NSMAF: variants seen among roughly 807,000 people sequenced by gnomAD.
NSMAF encodes the protein neutral sphingomyelinase activation associated factor.
NSMAF carries 90 observed loss-of-function variants against 134.9 expected under a neutral mutation model. That is an observed-to-expected ratio of 0.67 (90% CI 0.56 to 0.79). NSMAF has a LOEUF of 0.79. Among genes scored for constraint, NSMAF ranks in the 30% least tolerant of loss-of-function variants. The pLI is 0.00. For synonymous variants in NSMAF, 358 were observed against 389.6 expected (o/e 0.92, Z 0.96); for missense variants, 1,010 against 1,119.0 (o/e 0.90, Z 1.39).
chr8:58,659,119 G>C (rs1414958941), intron 1 of NSMAF: 31 of 1,217,068 alleles, frequency 2.5e-5, no homozygotes, highest in Admixed American at 4.1e-5. Context: ...CCAACTCTGC[G>C]GCGCCGGCGC....
At chr8:58,584,480 C>T (rs370954585) in intron 30 of NSMAF, among the ~76,000 whole-genome samples, 59 of 151,986 alleles carry the variant, frequency 3.9e-4, no homozygotes, top group Admixed American at 2.8e-3. Flanking sequence ...AATACCTTGG[C>T]GAAGTAAGTA....
At chr8:58,649,985 C>T (rs1807547173) in intron 1 of NSMAF, among the ~76,000 whole-genome samples, 1 of 152,206 alleles carries the variant, frequency 6.6e-6, no homozygotes, top group Admixed American at 6.5e-5. Context: ...TATTTATGCA[C>T]ACATGTTCTT....
chr8:58,585,953 T>G lies in NSMAF; in HGVS notation c.2494A>C (p.Ile832Leu). 6.2e-7 allele frequency: 1 copy of G among 1,614,064 alleles called. No homozygotes were observed. The highest frequency in any genetic ancestry group is 8.5e-7 in the Non-Finnish European group (1 of 1,179,984). Residue 832 changes from isoleucine to leucine, a missense_variant, in exon 29 of 31, where the codon ATT (isoleucine) becomes CTT (leucine). Physicochemically the swap from Ile to Leu is conservative, Grantham distance 5. Transcript: ENST00000038176. ...ATGAGCATTCCTGTCTGCACATCAATGACATTAAGACAGCCATCTGTTCCT... is the reference window on the plus strand; with the variant it reads ...ATGAGCATTCCTGTCTGCACATCAAGGACATTAAGACAGCCATCTGTTCCT... ...STGTDGCLNV[I>L]DVQTGMLISS... is the part of the protein sequence containing the mutation.
chr8:58,588,481 C>T (rs1805945119), intron 26 of NSMAF: 9 of 1,186,888 alleles, frequency 7.6e-6, no homozygotes, highest in Admixed American at 3.4e-5. Flanking sequence ...TGGGGGTGTT[C>T]GGTCCTTGCA....
intron 6 of NSMAF, among the ~76,000 whole-genome samples, chr8:58,630,365 G>A (rs900942841): frequency 6.6e-6 from 1 of 151,264 alleles, no homozygotes; most frequent in Admixed American, 6.6e-5. Context: ...AATTCACATT[G>A]GAACAAAAGA....
In NSMAF at chr8:58,599,252, T is replaced by A; in HGVS notation, c.1565A>T (p.Asp522Val). Residue 522 changes from aspartate (D) to valine (V), a missense_variant, in exon 19 of 31, where the codon GAT becomes GTT. Coordinates refer to ENST00000038176, the MANE Select transcript of NSMAF (RefSeq NM_003580.4). Reference protein sequence around the residue: ...LIFGYKQKGSDAVGAHNVFHP... With the variant: ...LIFGYKQKGSVAVGAHNVFHP... Reference sequence around the variant, plus strand: ...CATACCATTATGGGCCCCAACTGCATCACTCCCTTTTTGTTTGTAGCCAAA... The same window carrying A: ...CATACCATTATGGGCCCCAACTGCAACACTCCCTTTTTGTTTGTAGCCAAA... 6.2e-7 allele frequency: 1 copy of A among 1,613,848 alleles called. No individual in the cohort carries two copies. The highest frequency in any genetic ancestry group is 8.5e-7 in the Non-Finnish European group (1 of 1,179,768).
intron 23 of NSMAF, among the ~76,000 whole-genome samples, chr8:58,592,219 T>C (rs1806035723): frequency 1.3e-5 from 2 of 152,208 alleles, no homozygotes; most frequent in South Asian, 4.1e-4. Flanking sequence ...ACCAGTCGGT[T>C]CTATAAAGAT....
intron 27 of NSMAF, 51 bp from the exon 28 acceptor site, chr8:58,586,659 G>A: frequency 2.1e-6 from 3 of 1,459,056 alleles, no homozygotes; most frequent in Non-Finnish European, 2.8e-6. Flanking sequence ...ATGGTCATTA[G>A]CTATGTTTCT....
At chr8:58,619,731 G>T (rs1350267479) in intron 9 of NSMAF, among the ~76,000 whole-genome samples, 3 of 151,984 alleles carry the variant, frequency 2.0e-5, no homozygotes, top group African/African-American at 7.2e-5. Flanking sequence ...CATAAGACAG[G>T]AAAGACCTTT....
chr8:58,600,565 G>A (rs1054560858), intron 16 of NSMAF, among the ~76,000 whole-genome samples: 1 of 142,170 alleles, frequency 7.0e-6, no homozygotes, highest in Admixed American at 7.3e-5. Flanking sequence ...AGGTTGCAGT[G>A]AGCTGAGATT....
chr8:58,601,757 G>A (rs1676090451), intron 14 of NSMAF, among the ~76,000 whole-genome samples: 1 of 152,132 alleles, frequency 6.6e-6, no homozygotes, highest in South Asian at 2.1e-4. Context: ...GTAACAAAAT[G>A]TTGGCACTAG....
chr8:58,610,076 T>C (rs1326183275), intron 9 of NSMAF, among the ~76,000 whole-genome samples: 1 of 152,230 alleles, frequency 6.6e-6, no homozygotes, highest in African/African-American at 2.4e-5. Context: ...TTTTCTGTCA[T>C]TATTTTTATC....
In NSMAF at chr8:58,597,516, T is replaced by A; in HGVS notation, c.1663A>T (p.Thr555Ser). ...GTCTGCCCAAATTCCAAGATTTGCG[T>A]AAGCATGGCTACCTTCTCATCAGGA... is the stretch of plus-strand genomic sequence containing the variant. ...QDPDEKVAML[T>S]QILEFGQTPK... Residue 555 changes from threonine (T) to serine (S), a missense_variant, in exon 21 of 31, where the codon ACG (threonine) becomes TCG (serine). Transcript: ENST00000038176. The A allele has an allele frequency of 6.2e-7, 1 of 1,614,208 alleles. No individual in the cohort carries two copies. The highest frequency in any genetic ancestry group is 8.5e-7 in the Non-Finnish European group (1 of 1,180,022).
intron 10 of NSMAF, 77 bp from the exon 11 acceptor site, chr8:58,607,917 GA>G (rs139778478): frequency 0.03 from 34,690 of 1,151,314 alleles, 677 homozygotes; most frequent in Non-Finnish European, 0.036. Flanking sequence ...TCAGAAAGGG[GA>G]AAAAAAAATC....
chr8:58,620,330 G>A (rs1806757257), intron 9 of NSMAF, among the ~76,000 whole-genome samples: 1 of 152,166 alleles, frequency 6.6e-6, no homozygotes, highest in South Asian at 2.1e-4. Context: ...CAAAGGCTCA[G>A]AGGTAAGAGA....
chr8:58,655,768 G>A (rs1374937778), intron 1 of NSMAF, among the ~76,000 whole-genome samples: 12 of 151,736 alleles, frequency 7.9e-5, no homozygotes, highest in Non-Finnish European at 1.2e-4. Context: ...TTAGCCGGGC[G>A]CTGTGGTGGC....
At chr8:58,657,671 G>C (rs939730660) in intron 1 of NSMAF, among the ~76,000 whole-genome samples, 2 of 152,228 alleles carry the variant, frequency 1.3e-5, no homozygotes, top group African/African-American at 4.8e-5. Flanking sequence ...ATTGAATGGA[G>C]TATGCCCATC....
chr8:58,591,009 T>C, intron 23 of NSMAF, 75 bp from the exon 24 acceptor site: 1 of 1,474,520 alleles, frequency 6.8e-7, no homozygotes, highest in Non-Finnish European at 9.1e-7. Context: ...CAGCTGCTCT[T>C]CTTGTTCCTG....
At chr8:58,591,524 T>C (rs1233708856) in intron 23 of NSMAF, among the ~76,000 whole-genome samples, 2 of 148,116 alleles carry the variant, frequency 1.4e-5, no homozygotes, top group Non-Finnish European at 3.0e-5. Flanking sequence ...TATCACTCTG[T>C]TGCCCAGGCT....
Sources: allele counts gnomAD v4.1 joint callset (sites outside exome capture counted in the v4.1 genomes callset), GRCh38; gene constraint gnomAD v4.1.1; transcripts MANE v1.5; gene names NCBI Gene and HGNC (gene_info 2026-07-23, HGNC 2026-07-21).